PDIA5: variants seen among roughly 807,000 people sequenced by gnomAD.
The protein encoded by PDIA5 is protein disulfide isomerase family A member 5.
Under a neutral mutation model 77.6 loss-of-function variants are expected in PDIA5, and 58 were observed. That is an observed-to-expected ratio of 0.75 (90% CI 0.61 to 0.93). PDIA5 has a LOEUF of 0.93. Among genes scored for constraint, PDIA5 ranks in the 40% least tolerant of loss-of-function variants. The pLI, the probability that PDIA5 is intolerant of heterozygous loss-of-function variation, is 0.00. For missense variants in PDIA5, 630 were observed against 647.7 expected, an observed-to-expected ratio of 0.97 and a Z score of 0.30; for synonymous variants, 250 against 252.1, an observed-to-expected ratio of 0.99 and a Z score of 0.08.
Position 123,092,362 on chromosome 3 carries a change from A to C in PDIA5, c.177A>C (p.Ala59=). The C allele has an allele frequency of 6.2e-7, 1 of 1,613,212 alleles. No individual in the cohort carries two copies. The highest frequency in any genetic ancestry group is 8.5e-7 in the Non-Finnish European group (1 of 1,179,386). Residue 59 remains alanine, a synonymous_variant, in exon 3 of 17, where the codon GCA becomes GCC. Transcript: ENST00000316218. The part of the protein sequence containing the change: ...VLVLYSKSEV[A]AENHLRLLST... Reference sequence around the variant, plus strand: ...TTTGTTTTTTTTTTACAGAGGTGGCAGCTGAAAATCATCTCAGGTTACTGT... The same window carrying C: ...TTTGTTTTTTTTTTACAGAGGTGGCCGCTGAAAATCATCTCAGGTTACTGT...
intron 4 of PDIA5, 91 bp from the exon 5 acceptor site, chr3:123,102,659 AG>A: frequency 8.4e-7 from 1 of 1,188,212 alleles, no homozygotes; most frequent in Middle Eastern, 1.9e-4. Flanking sequence ...TCCGTTCAAA[AG>A]CTGAATCTTA....
intron 14 of PDIA5, among the ~76,000 whole-genome samples, chr3:123,151,161 C>T (rs1248346567): frequency 6.6e-6 from 1 of 152,194 alleles, no homozygotes; most frequent in African/African-American, 2.4e-5. Flanking sequence ...TGTGTGTTCT[C>T]AGGGTCTGAG....
At chr3:123,117,374 T>TTATATATATA (rs370968904) in intron 8 of PDIA5, among the ~76,000 whole-genome samples, 10,857 of 79,630 alleles carry the variant, frequency 0.14, 1,377 homozygotes, top group Admixed American at 0.32. Context: ...TTCTATGATT[T>TTATATATATA]TATATATATA....
At chr3:123,088,093 TG>T (rs1351878374) in intron 1 of PDIA5, among the ~76,000 whole-genome samples, 1 of 152,204 alleles carries the variant, frequency 6.6e-6, no homozygotes, top group Admixed American at 6.5e-5. Flanking sequence ...TCCCACCCTC[TG>T]CCGGGTTATC....
intron 10 of PDIA5, among the ~76,000 whole-genome samples, chr3:123,125,262 C>A (rs747150827): frequency 7.9e-5 from 12 of 152,220 alleles, no homozygotes; most frequent in Non-Finnish European, 1.5e-4. Flanking sequence ...CAGCCAACAT[C>A]TTTTGGGCTC....
chr3:123,109,715 CT>C (rs1281242256), intron 6 of PDIA5, among the ~76,000 whole-genome samples: 52 of 151,908 alleles, frequency 3.4e-4, no homozygotes, highest in African/African-American at 1.2e-3. Flanking sequence ...CACCTCATAC[CT>C]TTACATTGAG....
In PDIA5 at chr3:123,067,181, C is replaced by T. The variant is rs1933588367; in HGVS notation, c.17C>T (p.Pro6Leu). 2 of 1,246,778 alleles carry T rather than the reference C, an allele frequency of 1.6e-6. No individual in the cohort carries two copies. Among genetic ancestry groups the T allele is most frequent in the Admixed American group, 4.2e-5 (1 of 23,696 alleles). The allele number at this position is 1,246,778 out of a possible 1,614,324, so 77.2% of individuals were successfully genotyped here. ...GCTGCTGGGATGGCGCGGGCCGGGC[C>T]GGCGTGGCTGCTGCTGGCAATCTGG... MARAGPAWLLLAIWVV... is the reference protein window; with the variant it reads MARAGLAWLLLAIWVV... The change falls in exon 1 of 17, where the codon CCG becomes CTG. Residue 6 changes from proline to leucine, a missense_variant. By Grantham distance (98) the Pro-to-Leu change is moderately conservative (BLOSUM62 -3). Coordinates refer to ENST00000316218, the MANE Select transcript of PDIA5 (RefSeq NM_006810.4).
At chr3:123,092,477 G>C (rs374835728) in intron 3 of PDIA5, 35 bp downstream of exon 3, 14 of 1,464,980 alleles carry the variant, frequency 9.6e-6, no homozygotes, top group Non-Finnish European at 1.3e-5. Context: ...GGTGGCTGCT[G>C]GGCAGAGGGG....
chr3:123,161,800 G>T (rs749496724), intron 16 of PDIA5, 80 bp from the exon 17 acceptor site: 9 of 930,410 alleles, frequency 9.7e-6, no homozygotes, highest in Non-Finnish European at 1.6e-5. Context: ...TGGAGGGGCT[G>T]GGGGTGTGGG....
chr3:123,109,261 C>G (rs1934810675), intron 6 of PDIA5, among the ~76,000 whole-genome samples: 1 of 152,124 alleles, frequency 6.6e-6, no homozygotes, highest in African/African-American at 2.4e-5. Context: ...ATTGCTGATT[C>G]AATTTGTAGG....
intron 10 of PDIA5, among the ~76,000 whole-genome samples, chr3:123,128,763 C>G (rs780327858): frequency 3.9e-5 from 6 of 152,166 alleles, no homozygotes; most frequent in Non-Finnish European, 5.9e-5. Context: ...AGAATACATT[C>G]AAAAGTCTCG....
intron 1 of PDIA5, among the ~76,000 whole-genome samples, chr3:123,081,729 A>G (rs984130156): frequency 7.9e-5 from 12 of 152,222 alleles, no homozygotes; most frequent in African/African-American, 2.4e-4. Context: ...CTCTGGCTTC[A>G]TGGTCTGCAT....
intron 11 of PDIA5, among the ~76,000 whole-genome samples, chr3:123,133,799 G>A (rs915825620): frequency 2.0e-5 from 3 of 152,054 alleles, no homozygotes; most frequent in Non-Finnish European, 2.9e-5. Flanking sequence ...GAAATAGTGG[G>A]GCTCAAACTA....
At chr3:123,159,297 C>T (rs1350071752) in intron 15 of PDIA5, among the ~76,000 whole-genome samples, 13 of 152,200 alleles carry the variant, frequency 8.5e-5, no homozygotes, top group Admixed American at 7.9e-4. Flanking sequence ...ATAGCACCTG[C>T]CCTGAGAAAT....
chr3:123,130,652 C>G (rs748417388), intron 11 of PDIA5, 36 bp downstream of exon 11: 1 of 1,610,016 alleles, frequency 6.2e-7, no homozygotes, highest in Admixed American at 1.7e-5. Flanking sequence ...TCCACACCCT[C>G]CCCTCTCTCA....
intron 14 of PDIA5, among the ~76,000 whole-genome samples, chr3:123,150,981 T>G (rs1400733393): frequency 5.3e-5 from 8 of 152,196 alleles, no homozygotes; most frequent in Non-Finnish European, 1.0e-4. Flanking sequence ...CTGCTGCCCT[T>G]CTCTCTCTCC....
chr3:123,132,091 T>C (rs3792382), intron 11 of PDIA5, among the ~76,000 whole-genome samples: 77,695 of 152,020 alleles, frequency 0.51, 20,940 homozygotes, highest in Non-Finnish European at 0.59. Context: ...GGGTCATCTT[T>C]TGTTTTACCC....
At chr3:123,156,395 G>A (rs1470776780) in intron 15 of PDIA5, among the ~76,000 whole-genome samples, 1 of 152,200 alleles carries the variant, frequency 6.6e-6, no homozygotes, top group Non-Finnish European at 1.5e-5. Context: ...TTTCTCCTCT[G>A]CCTGCCCCTT....
At chr3:123,103,029 T>C (rs937948217) in intron 5 of PDIA5, among the ~76,000 whole-genome samples, 3 of 152,252 alleles carry the variant, frequency 2.0e-5, no homozygotes, top group Non-Finnish European at 2.9e-5. Context: ...GTATCAGCAG[T>C]TGTCCAGTAA....
Sources: gnomAD v4.1 joint callset for allele counts (sites outside exome capture counted in the v4.1 genomes callset) on GRCh38, gnomAD v4.1.1 for gene constraint, MANE v1.5 for transcripts, NCBI Gene and HGNC (gene_info 2026-07-23, HGNC 2026-07-21) for gene names.